Variants in ZMYM5 observed in about 807,000 individuals in gnomAD.
The protein encoded by ZMYM5 is zinc finger MYM-type protein 5.
ZMYM5 carries 41 observed loss-of-function variants against 61.8 expected under a neutral mutation model. The observed-to-expected ratio is 0.66, with a 90% CI of 0.52 to 0.86. The LOEUF (loss-of-function observed/expected upper bound fraction) is 0.86, where lower values mean the gene tolerates loss of function less well. Among genes scored for constraint, ZMYM5 ranks in the 40% least tolerant of loss-of-function variants. The probability of loss-of-function intolerance (pLI) is 0.00; values close to 1 mark genes in which losing one functional copy is unlikely to be tolerated. For synonymous variants in ZMYM5, 257 were observed against 276.4 expected, an observed-to-expected ratio of 0.93 and a Z score of 0.70; for missense variants, 706 against 786.7, an observed-to-expected ratio of 0.90 and a Z score of 1.23.
chr13:19,852,317 C>T, intron 2 of ZMYM5, 127 bp from the exon 3 acceptor site: 1 of 987,594 alleles, frequency 1.0e-6, no homozygotes, highest in Non-Finnish European at 1.4e-6. Context: ...TTTTGTTTTT[C>T]CTCTACTGTT....
At position 19,853,221 on chromosome 13, in the gene ZMYM5, A is replaced by G. The variant is rs187390993; in HGVS notation, c.-10-1031T>C. 5.0e-4 allele frequency among the ~76,000 whole-genome samples: 76 copies of G among 152,350 alleles called. 1 individual carries two copies. Among genetic ancestry groups the G allele is most frequent in the African/African-American group, 1.6e-3 (65 of 41,586 alleles). On this transcript the variant is annotated intron_variant, in intron 2 of 7. Transcript: ENST00000337963. ...TTACTATGCACTAAGCTATGATGAC[A>G]GAAATAATCTAGCAGAGACAATAGT...
At chr13:19,844,659 G>A (rs1217705680) in intron 4 of ZMYM5, among the ~76,000 whole-genome samples, 2 of 152,134 alleles carry the variant, frequency 1.3e-5, no homozygotes, top group African/African-American at 4.8e-5. Context: ...TTTCGCTCTT[G>A]TTGCCAGGCT....
intron 4 of ZMYM5, among the ~76,000 whole-genome samples, chr13:19,846,038 G>A (rs1015965430): frequency 5.3e-5 from 8 of 152,072 alleles, no homozygotes; most frequent in African/African-American, 1.7e-4. Flanking sequence ...ATCTCTTGGC[G>A]TAAATTCAGG....
intron 4 of ZMYM5, among the ~76,000 whole-genome samples, chr13:19,840,214 G>A (rs537264314): frequency 6.6e-6 from 1 of 152,286 alleles, no homozygotes; most frequent in Non-Finnish European, 1.5e-5. Context: ...AAGGCGGGAG[G>A]ATCACTTGAG....
At position 19,828,620 on chromosome 13, in the gene ZMYM5, A is replaced by G. The variant is rs116231902; in HGVS notation, c.1252-3385T>C. Among the ~76,000 whole-genome samples the G allele has an allele frequency of 8.6e-3, 1,316 of 152,326 alleles. 23 individuals are homozygous for G. Among genetic ancestry groups the G allele is most frequent in the African/African-American group, 0.03 (1,259 of 41,574 alleles). On this transcript the variant is annotated intron_variant, in intron 7 of 7. Coordinates refer to ENST00000337963, the MANE Select transcript of ZMYM5 (RefSeq NM_001142684.2). ...TAAGGAAGGAAGAGGCACAGAGATC[A>G]GTCAAGAAACTATAGTAGTAATTCT...
At chr13:19,853,246 T>C (rs1269777149) in intron 2 of ZMYM5, among the ~76,000 whole-genome samples, 5 of 152,194 alleles carry the variant, frequency 3.3e-5, no homozygotes, top group East Asian at 1.9e-4. Flanking sequence ...GAGACAATAG[T>C]TGAAAAATCT....
At chr13:19,844,255 A>G (rs1338643638) in intron 4 of ZMYM5, among the ~76,000 whole-genome samples, 1 of 152,050 alleles carries the variant, frequency 6.6e-6, no homozygotes, top group Non-Finnish European at 1.5e-5. Flanking sequence ...GGTTGCAGTG[A>G]GCCGAGAATG....
intron 2 of ZMYM5, among the ~76,000 whole-genome samples, chr13:19,854,733 T>A (rs1453879053): frequency 1.3e-5 from 2 of 152,036 alleles, no homozygotes; most frequent in East Asian, 3.9e-4. Context: ...ATTAACTCAG[T>A]TAATGATTAC....
At chr13:19,832,489 C>T (rs890667522) in intron 7 of ZMYM5, among the ~76,000 whole-genome samples, 31 of 151,684 alleles carry the variant, frequency 2.0e-4, no homozygotes, top group Non-Finnish European at 3.5e-4. Flanking sequence ...ACCACGCCTG[C>T]CTAATTTTTG....
intron 2 of ZMYM5, among the ~76,000 whole-genome samples, chr13:19,857,157 G>C (rs1167919061): frequency 6.6e-6 from 1 of 152,130 alleles, no homozygotes; most frequent in Admixed American, 6.5e-5. Flanking sequence ...ACCATAAAAA[G>C]GTATTTAGGC....
intron 7 of ZMYM5, among the ~76,000 whole-genome samples, chr13:19,826,314 T>C (rs530075422): frequency 6.6e-6 from 1 of 152,056 alleles, no homozygotes; most frequent in African/African-American, 2.4e-5. Flanking sequence ...ATCATGCTAC[T>C]GCACACCAGC....
intron 2 of ZMYM5, among the ~76,000 whole-genome samples, chr13:19,859,992 T>C (rs1953670040): frequency 1.4e-5 from 2 of 141,704 alleles, no homozygotes; most frequent in African/African-American, 5.3e-5. Context: ...TAGTCTCAGC[T>C]ACTCAGGAGG....
In ZMYM5 at chr13:19,824,504, A is replaced by T. The variant is rs762867859; in HGVS notation, c.1983T>A (p.Asn661Lys). The change falls in exon 8 of 8, where the codon AAT becomes AAA. Residue 661 changes from asparagine (N) to lysine (K), a missense_variant. Physicochemically the swap from Asn to Lys is moderately conservative, Grantham distance 94 (BLOSUM62 0). Transcript: ENST00000337963. ...AEHRLYENEK[N>K]DGVLLLYT ...ACGTGTACAACAACAGCACACCATC[A>T]TTTTTCTCATTTTCATATAATCTGT... The T allele has an allele frequency of 1.5e-6, 2 of 1,313,344 alleles. No individual in the cohort carries two copies. Among genetic ancestry groups the T allele is most frequent in the Admixed American group, 5.0e-5 (2 of 40,196 alleles). 81.4% of individuals were successfully genotyped at this position (1,313,344 alleles called of 1,614,324 possible).
chr13:19,828,018 C>CAAA (rs66670324), intron 7 of ZMYM5, among the ~76,000 whole-genome samples: 103 of 65,820 alleles, frequency 1.6e-3, no homozygotes, highest in African/African-American at 2.5e-3. Flanking sequence ...GACTCCATCT[C>CAAA]AAAAAAAAAA....
chr13:19,847,470 T>C (rs1323476273), intron 4 of ZMYM5, among the ~76,000 whole-genome samples: 1 of 152,088 alleles, frequency 6.6e-6, no homozygotes, highest in African/African-American at 2.4e-5. Context: ...GAAATACATA[T>C]GAGAAGCCAG....
At chr13:19,860,292 A>AT (rs1176148584) in intron 2 of ZMYM5, among the ~76,000 whole-genome samples, 1,342 of 130,078 alleles carry the variant, frequency 0.01, 13 homozygotes, top group African/African-American at 0.027. Flanking sequence ...CACCCGTTTA[A>AT]TTTTTTTTTT....
chr13:19,855,508 C>A (rs969504388), intron 2 of ZMYM5, among the ~76,000 whole-genome samples: 1 of 151,456 alleles, frequency 6.6e-6, no homozygotes. Context: ...GTGATCCACC[C>A]GCCTGGGCCT....
At chr13:19,837,107 C>G (rs1952699482) in intron 6 of ZMYM5, among the ~76,000 whole-genome samples, 1 of 151,846 alleles carries the variant, frequency 6.6e-6, no homozygotes, top group African/African-American at 2.4e-5. Flanking sequence ...TCTCAGCTCA[C>G]TGCAGCCTCC....
intron 4 of ZMYM5, chr13:19,843,503 C>G (rs1952959725): frequency 6.7e-6 from 1 of 149,682 alleles, no homozygotes; most frequent in South Asian, 2.1e-4. Context: ...CAATAAATAT[C>G]TAAAATGTAA....
Sources: allele counts gnomAD v4.1 joint callset (sites outside exome capture counted in the v4.1 genomes callset), GRCh38; gene constraint gnomAD v4.1.1; transcripts MANE v1.5; gene names NCBI Gene and HGNC (gene_info 2026-07-23, HGNC 2026-07-21).